Variants in SH3RF3 observed in about 807,000 individuals in gnomAD.
The protein encoded by SH3RF3 is SH3 domain containing ring finger 3, also known as E3 ubiquitin-protein ligase SH3RF3.
Under a neutral mutation model 66.3 loss-of-function variants are expected in SH3RF3, and 29 were observed. The observed-to-expected ratio is 0.44, with a 90% confidence interval of 0.33 to 0.60. SH3RF3 has a LOEUF of 0.60. Among genes scored for constraint, SH3RF3 ranks in the 20% least tolerant of loss-of-function variants. The probability of loss-of-function intolerance (pLI) is 0.04; values close to 1 mark genes in which losing one functional copy is unlikely to be tolerated. For synonymous variants in SH3RF3, 583 were observed against 532.0 expected, an observed-to-expected ratio of 1.10 and a Z score of -1.32; for missense variants, 1,194 against 1,190.9, an observed-to-expected ratio of 1.00 and a Z score of -0.04.
At chr2:109,252,034 C>T (rs1680105096) in intron 1 of SH3RF3, among the ~76,000 whole-genome samples, 5 of 152,028 alleles carry the variant, frequency 3.3e-5, no homozygotes, top group Admixed American at 2.6e-4. Context: ...ATCACTTGAG[C>T]TAAGGAGTTA....
At chr2:109,152,504 G>A (rs748625369) in intron 1 of SH3RF3, among the ~76,000 whole-genome samples, 1 of 152,238 alleles carries the variant, frequency 6.6e-6, no homozygotes, top group Non-Finnish European at 1.5e-5. Context: ...CATTCAGAGC[G>A]AAAGCTCATT....
At chr2:109,391,208 AG>A (rs1241273708) in intron 3 of SH3RF3, among the ~76,000 whole-genome samples, 1 of 152,254 alleles carries the variant, frequency 6.6e-6, no homozygotes, top group Non-Finnish European at 1.5e-5. Context: ...TGTGCAGTGC[AG>A]GTCTGCACCT....
Position 109,490,902 on chromosome 2 carries a change from A to G in SH3RF3, c.2446A>G (p.Ile816Val). Reference protein sequence around the residue: ...SRQAPLSMAAIRPEPKLLPRE... With the variant: ...SRQAPLSMAAVRPEPKLLPRE... ...GCAAGCTCCGCTGTCCATGGCTGCC[A>G]TCCGCCCCGAGCCCAAGCTGTTGCC... is the stretch of plus-strand genomic sequence containing the variant. The change falls in exon 9 of 10, where the codon ATC becomes GTC. Residue 816 changes from isoleucine to valine, a missense_variant. By Grantham distance (29) the Ile-to-Val change is conservative (BLOSUM62 3). Transcript: ENST00000309415. The G allele has an allele frequency of 1.3e-6, 2 of 1,519,958 alleles. No homozygotes were observed. The highest frequency in any genetic ancestry group is 1.8e-6 in the Non-Finnish European group (2 of 1,135,382). The allele number at this position is 1,519,958 out of a possible 1,614,324, so 94.2% of individuals were successfully genotyped here. A position where few individuals can be genotyped will look rare whatever the true frequency, so the allele number is the denominator to read the frequency against.
At chr2:109,173,249 A>G (rs1415376595) in intron 1 of SH3RF3, among the ~76,000 whole-genome samples, 7 of 152,088 alleles carry the variant, frequency 4.6e-5, no homozygotes, top group Non-Finnish European at 1.0e-4. Context: ...AACCTTAAGA[A>G]TTGTCTGGCT....
intron 1 of SH3RF3, among the ~76,000 whole-genome samples, chr2:109,148,104 T>C (rs1475372561): frequency 6.6e-6 from 1 of 152,122 alleles, no homozygotes; most frequent in African/African-American, 2.4e-5. Flanking sequence ...GCCAGCCGGG[T>C]CCTACACAGC....
At chr2:109,336,644 T>C (rs560794228) in intron 1 of SH3RF3, among the ~76,000 whole-genome samples, 1 of 152,374 alleles carries the variant, frequency 6.6e-6, no homozygotes, top group South Asian at 2.1e-4. Context: ...AGCATTTGTT[T>C]GTTTCTCTGC....
chr2:109,374,523 G>C (rs1188046350), intron 3 of SH3RF3, among the ~76,000 whole-genome samples: 1 of 152,180 alleles, frequency 6.6e-6, no homozygotes, highest in Non-Finnish European at 1.5e-5. Flanking sequence ...GTGGGAACTT[G>C]GGTGTTTGCA....
At chr2:109,228,644 C>T (rs1385557614) in intron 1 of SH3RF3, among the ~76,000 whole-genome samples, 1 of 152,072 alleles carries the variant, frequency 6.6e-6, no homozygotes, top group Non-Finnish European at 1.5e-5. Flanking sequence ...TTCTGTGTGG[C>T]GTGGCTGCAA....
chr2:109,287,799 C>T, intron 1 of SH3RF3, among the ~76,000 whole-genome samples: 1 of 152,238 alleles, frequency 6.6e-6, no homozygotes, highest in Non-Finnish European at 1.5e-5. Flanking sequence ...AAGCTTCGCA[C>T]TGTTGCCAGT....
chr2:109,168,598 T>A (rs973678657), intron 1 of SH3RF3, among the ~76,000 whole-genome samples: 1 of 152,228 alleles, frequency 6.6e-6, no homozygotes, highest in Non-Finnish European at 1.5e-5. Context: ...CCAGACTGAC[T>A]GATCTGGCCG....
intron 8 of SH3RF3, among the ~76,000 whole-genome samples, chr2:109,451,068 A>T (rs753847655): frequency 6.6e-6 from 1 of 152,166 alleles, no homozygotes; most frequent in Non-Finnish European, 1.5e-5. Flanking sequence ...CATGGGCCAC[A>T]CCAGGTTCCG....
At chr2:109,318,731 A>G (rs1466977407) in intron 1 of SH3RF3, among the ~76,000 whole-genome samples, 1 of 152,178 alleles carries the variant, frequency 6.6e-6, no homozygotes, top group Non-Finnish European at 1.5e-5. Context: ...GCCAGCCGCC[A>G]GATACTGACC....
intron 7 of SH3RF3, among the ~76,000 whole-genome samples, chr2:109,441,599 T>C (rs1190015701): frequency 6.6e-6 from 1 of 152,210 alleles, no homozygotes; most frequent in Non-Finnish European, 1.5e-5. Context: ...AGGTCTCCAA[T>C]GTAGAGGAGA....
intron 1 of SH3RF3, among the ~76,000 whole-genome samples, chr2:109,204,746 C>T (rs1678769230): frequency 6.6e-6 from 1 of 152,118 alleles, no homozygotes; most frequent in African/African-American, 2.4e-5. Context: ...AGAGACCAAG[C>T]CAATTATTTT....
chr2:109,269,065 A>C (rs182772150), intron 1 of SH3RF3, among the ~76,000 whole-genome samples: 45 of 152,258 alleles, frequency 3.0e-4, no homozygotes, highest in Admixed American at 5.9e-4. Context: ...CTTGTCCCGC[A>C]CTGTGCTCTG....
intron 1 of SH3RF3, among the ~76,000 whole-genome samples, chr2:109,284,622 C>A (rs1462666126): frequency 6.6e-6 from 1 of 152,220 alleles, no homozygotes; most frequent in Non-Finnish European, 1.5e-5. Flanking sequence ...TCTAGAAGTG[C>A]ATGGGAGACC....
At position 109,398,791 on chromosome 2, in the gene SH3RF3, A is replaced by G; in HGVS notation, c.1147A>G (p.Thr383Ala). The change falls in exon 4 of 10, where the codon ACC (threonine) becomes GCC (alanine). Residue 383 changes from threonine to alanine, a missense_variant. Transcript: ENST00000309415. ...GAACACCAAGAAACGCCACTCCTTC[A>G]CCGCGCTCAGTGTGACGCACAGATC... The part of the protein sequence containing the change: ...KKNTKKRHSF[T>A]ALSVTHRSSQ... 1 of 1,613,728 alleles carries G rather than the reference A, an allele frequency of 6.2e-7. No individual in the cohort carries two copies. Among genetic ancestry groups the G allele is most frequent in the Non-Finnish European group, 8.5e-7 (1 of 1,179,820 alleles).
At chr2:109,473,248 C>T (rs539796628) in intron 8 of SH3RF3, among the ~76,000 whole-genome samples, 19 of 152,342 alleles carry the variant, frequency 1.2e-4, no homozygotes, top group Admixed American at 6.5e-4. Flanking sequence ...CATTCGACGC[C>T]TGGGCACCAC....
intron 1 of SH3RF3, among the ~76,000 whole-genome samples, chr2:109,313,928 G>A (rs1362922622): frequency 6.6e-6 from 1 of 152,198 alleles, no homozygotes; most frequent in African/African-American, 2.4e-5. Context: ...CGTATGCAGG[G>A]TGCCGTGTTT....
Sources: allele counts gnomAD v4.1 joint callset (sites outside exome capture counted in the v4.1 genomes callset), GRCh38; gene constraint gnomAD v4.1.1; transcripts MANE v1.5; gene names NCBI Gene and HGNC (gene_info 2026-07-23, HGNC 2026-07-21).